Variants in ESR1 observed in about 807,000 individuals in gnomAD.
ESR1 encodes estrogen receptor 1.
In ESR1, 12 loss-of-function variants were observed where a neutral mutation model predicts 52.7. The observed-to-expected ratio is 0.23, with a 90% CI of 0.15 to 0.37. The LOEUF (loss-of-function observed/expected upper bound fraction) is 0.37, where lower values mean the gene tolerates loss of function less well. Ranked by LOEUF, ESR1 falls within the 10% of genes least tolerant of loss-of-function variation. ESR1 has a pLI of 1.00. For synonymous variants in ESR1, 305 were observed against 316.8 expected (o/e 0.96, Z 0.39); for missense variants, 584 against 779.7 (o/e 0.75, Z 2.99).
Position 151,962,409 on chromosome 6 carries a change from A to G in ESR1, c.1096+17901A>G, listed in dbSNP as rs150928240. 1.7e-4 allele frequency among the ~76,000 whole-genome samples: 26 copies of G among 152,260 alleles called. 1 individual carries two copies. In the East Asian group the frequency reaches 5.0e-3, roughly 29 times the overall value. On this transcript the variant is annotated intron_variant, in intron 4 of 7. Coordinates refer to ENST00000206249, the MANE Select transcript of ESR1 (RefSeq NM_000125.4). ...CCTGAAATGGGTTTTCCACTCTGCCATCCCCCACTTGCCTGCTTGGGTGTT... is the reference window on the plus strand; with the variant it reads ...CCTGAAATGGGTTTTCCACTCTGCCGTCCCCCACTTGCCTGCTTGGGTGTT...
intron 2 of ESR1, among the ~76,000 whole-genome samples, chr6:151,770,062 A>C (rs1362337382): frequency 6.6e-6 from 1 of 151,084 alleles, no homozygotes; most frequent in African/African-American, 2.4e-5. Flanking sequence ...AGGGATGAGG[A>C]GAACTCAAGT....
intron 3 of ESR1, among the ~76,000 whole-genome samples, chr6:151,913,595 T>C (rs1798611940): frequency 6.6e-6 from 1 of 152,200 alleles, no homozygotes; most frequent in Non-Finnish European, 1.5e-5. Flanking sequence ...TTACAATACC[T>C]ATGAAGATTA....
chr6:151,808,203 C>T lies in ESR1; in HGVS notation c.291C>T (p.Phe97=), dbSNP rs533291788. 7.6e-6 allele frequency: 12 copies of T among 1,572,634 alleles called. No homozygotes were observed. The highest frequency in any genetic ancestry group is 4.7e-5 in the East Asian group (2 of 42,858). ...AAFGSNGLGG[F]PPLNSVSPSP... is the part of the protein sequence containing the mutation. ...TCGGCTCCAACGGCCTGGGGGGTTTCCCCCCACTCAACAGCGTGTCTCCGA... is the reference window on the plus strand; with the variant it reads ...TCGGCTCCAACGGCCTGGGGGGTTTTCCCCCACTCAACAGCGTGTCTCCGA... Residue 97 remains phenylalanine, a synonymous_variant, in exon 1 of 8, where the codon TTC becomes TTT. Coordinates refer to ENST00000206249, the MANE Select transcript of ESR1 (RefSeq NM_000125.4).
At chr6:152,028,586 G>A (rs569626371) in intron 5 of ESR1, among the ~76,000 whole-genome samples, 62 of 152,296 alleles carry the variant, frequency 4.1e-4, no homozygotes, top group African/African-American at 1.4e-3. Context: ...AGGTGCAAGC[G>A]AGGCTAGGGG....
intron 3 of ESR1, among the ~76,000 whole-genome samples, chr6:151,930,279 C>T (rs367651691): frequency 8.3e-4 from 127 of 152,236 alleles, no homozygotes; most frequent in Admixed American, 1.8e-3. Context: ...GCCACCGCAC[C>T]CGGCTTAACT....
At chr6:151,812,679 GTTTC>G (rs1360603952) in intron 1 of ESR1, among the ~76,000 whole-genome samples, 1 of 152,098 alleles carries the variant, frequency 6.6e-6, no homozygotes, top group East Asian at 1.9e-4. Context: ...TGCTAAGTGT[GTTTC>G]TTTCTTTTCC....
At chr6:151,806,557 T>TATATATGTATATATATATAC (rs1554259008), upstream of ESR1, among the ~76,000 whole-genome samples, 1 of 133,788 alleles carries the variant, frequency 7.5e-6, no homozygotes, top group Non-Finnish European at 1.6e-5. Context: ...TATATATATA[T>TATATATGTATATATATATAC]ACACATATAT....
intron 1 of ESR1, among the ~76,000 whole-genome samples, chr6:151,833,764 T>C (rs1020873949): frequency 2.6e-4 from 39 of 152,312 alleles, no homozygotes; most frequent in Non-Finnish European, 2.6e-4. Flanking sequence ...ATGCACATGT[T>C]GATTCAACAA....
intron 1 of ESR1, chr6:151,809,192 G>T (rs1778396460): frequency 2.2e-6 from 1 of 459,950 alleles, no homozygotes; most frequent in Non-Finnish European, 4.6e-6. Flanking sequence ...GTCAGCCAGG[G>T]TCTGCGCCTC....
chr6:151,745,447 T>A (rs1309531851), intron 2 of ESR1, among the ~76,000 whole-genome samples: 3 of 152,202 alleles, frequency 2.0e-5, no homozygotes, highest in Non-Finnish European at 1.5e-5. Flanking sequence ...AGAAACCACA[T>A]TTTCAGGACT....
At chr6:152,125,184 C>T in intron 6 of ESR1, 1 of 1,486,974 alleles carries the variant, frequency 6.7e-7, no homozygotes, top group Non-Finnish European at 9.0e-7. Context: ...TCCCTGCCCA[C>T]CGCACTCTCT....
intron 4 of ESR1, among the ~76,000 whole-genome samples, chr6:151,977,511 A>G (rs1169939815): frequency 6.6e-6 from 1 of 151,648 alleles, no homozygotes; most frequent in South Asian, 2.1e-4. Context: ...TAGTGACTGC[A>G]AAGCCAGAAG....
chr6:151,778,299 T>G (rs2785932), intron 2 of ESR1, among the ~76,000 whole-genome samples: 101,770 of 144,498 alleles, frequency 0.7, 35,090 homozygotes, highest in East Asian at 0.91. Flanking sequence ...TGATGAAGAA[T>G]TTCTGGAGAT....
chr6:151,902,393 A>G (rs1796823901), intron 3 of ESR1, among the ~76,000 whole-genome samples: 1 of 152,120 alleles, frequency 6.6e-6, no homozygotes, highest in Non-Finnish European at 1.5e-5. Context: ...CCCATCCTAG[A>G]TCTGTTTCTC....
intron 5 of ESR1, among the ~76,000 whole-genome samples, chr6:152,055,484 GTTAC>G (rs906453454): frequency 2.4e-4 from 37 of 152,266 alleles, no homozygotes; most frequent in Admixed American, 4.6e-4. Context: ...ATAAGACTGA[GTTAC>G]TTTGTAAACA....
At chr6:151,835,461 G>A (rs1380518938) in intron 1 of ESR1, among the ~76,000 whole-genome samples, 1 of 152,208 alleles carries the variant, frequency 6.6e-6, no homozygotes, top group Non-Finnish European at 1.5e-5. Context: ...ATACTGCAAA[G>A]GGAACGGAAG....
rs2128959414 is a variant in ESR1, at chr6:152,061,205, C to A, written c.1369+81C>A. On this transcript the variant is annotated intron_variant, in intron 6 of 7. Transcript: ENST00000206249. This position sits in a 1 kb window ranked among gnomAD's most constrained non-coding sequence, Gnocchi z 4.3. ...TCAACCAGATACGATCTACCCACTC[C>A]AAAGGCATAATGTCATAAATAGAAA... 1 of 1,334,628 alleles carries A rather than the reference C, an allele frequency of 7.5e-7. No individual in the cohort carries two copies. Among genetic ancestry groups the A allele is most frequent in the East Asian group, 2.3e-5 (1 of 43,328 alleles). The allele number at this position is 1,334,628 out of a possible 1,614,324, so 82.7% of individuals were successfully genotyped here. A position where few individuals can be genotyped will look rare whatever the true frequency, so the allele number is the denominator to read the frequency against.
downstream of ESR1, among the ~76,000 whole-genome samples, chr6:152,106,072 C>T (rs1395717823): frequency 6.6e-6 from 1 of 151,932 alleles, no homozygotes; most frequent in Non-Finnish European, 1.5e-5. Context: ...GGATTACAGG[C>T]GTGAGCCACC....
At chr6:152,014,103 T>C (rs2042983980) in intron 5 of ESR1, among the ~76,000 whole-genome samples, 1 of 152,132 alleles carries the variant, frequency 6.6e-6, no homozygotes, top group South Asian at 2.1e-4. Flanking sequence ...TCTTCCCCGT[T>C]GCCATGAAAG....
Sources: allele counts gnomAD v4.1 joint callset (sites outside exome capture counted in the v4.1 genomes callset), GRCh38; gene constraint gnomAD v4.1.1; non-coding constraint Gnocchi (gnomAD v3.1); transcripts MANE v1.5; gene names NCBI Gene and HGNC (gene_info 2026-07-23, HGNC 2026-07-21).